The following CACNA1D variants were observed in gnomAD, a reference collection of about 807,000 sequenced individuals.
CACNA1D encodes voltage-dependent L-type calcium channel subunit alpha-1D.
Under a neutral mutation model 257.1 loss-of-function variants are expected in CACNA1D, and 55 were observed. That is an observed-to-expected ratio of 0.21 (90% CI 0.17 to 0.27). The LOEUF is 0.27. Ranked by LOEUF, CACNA1D falls within the 10% of genes least tolerant of loss-of-function variation. CACNA1D has a pLI of 1.00. For synonymous variants in CACNA1D, 980 were observed against 1,014.9 expected, an observed-to-expected ratio of 0.97 and a Z score of 0.65; for missense variants, 1,876 against 2,784.0, an observed-to-expected ratio of 0.67 and a Z score of 7.34.
rs369515732 is a variant in CACNA1D at position 53,583,631 on chromosome 3, C to T, written c.484-67148C>T. ...CAGAACCACGAGGTGGGACTCTCCT[C>T]AGGGGCTGCTTCTTGGTGAATCTGC... is the stretch of plus-strand genomic sequence containing the variant. On this transcript the variant is annotated intron_variant, in intron 3 of 47. Coordinates refer to ENST00000350061, the MANE Select transcript of CACNA1D (RefSeq NM_001128840.3). Among the ~76,000 whole-genome samples the T allele has an allele frequency of 2.0e-4, 31 of 152,308 alleles. No individual in the cohort carries two copies. In the South Asian group the frequency reaches 5.6e-3, roughly 27 times the overall value.
intron 3 of CACNA1D, among the ~76,000 whole-genome samples, chr3:53,546,328 A>T (rs989263983): frequency 1.3e-5 from 2 of 151,894 alleles, no homozygotes; most frequent in African/African-American, 2.4e-5. Flanking sequence ...CAGGAACCCA[A>T]CAGAGCTGCA....
intron 10 of CACNA1D, 85 bp from the exon 11 acceptor site, chr3:53,719,670 T>C (rs2094860475): frequency 7.9e-7 from 1 of 1,273,778 alleles, no homozygotes; most frequent in Admixed American, 1.7e-5. Flanking sequence ...ATGCATGGCT[T>C]TTATGATATC....
At chr3:53,674,109 G>C in intron 8 of CACNA1D, 1 of 514,438 alleles carries the variant, frequency 1.9e-6, no homozygotes, top group Non-Finnish European at 3.5e-6. Context: ...AGGAATTCCA[G>C]CCTTGGTCTC....
intron 3 of CACNA1D, among the ~76,000 whole-genome samples, chr3:53,618,113 T>G (rs1454877486): frequency 6.6e-6 from 1 of 152,092 alleles, no homozygotes; most frequent in African/African-American, 2.4e-5. Context: ...GTTGGACCTG[T>G]AGGGACCCGC....
At chr3:53,709,765 G>A (rs2094730381) in intron 9 of CACNA1D, among the ~76,000 whole-genome samples, 1 of 152,226 alleles carries the variant, frequency 6.6e-6, no homozygotes. Context: ...AGTGATGACA[G>A]TAGTGGTGGT....
chr3:53,776,972 G>C lies in CACNA1D; in HGVS notation c.4587+16G>C, dbSNP rs750908909. On this transcript the variant is annotated intron_variant, in intron 37 of 47. Coordinates refer to ENST00000350061, the MANE Select transcript of CACNA1D (RefSeq NM_001128840.3). ...AGCGTGCAAGGTGAGTGTCCTGTGT[G>C]CGTGTCTGACAGCCTGTCTTGTAGA... 3 of 1,582,058 alleles carry C rather than the reference G, an allele frequency of 1.9e-6. No homozygotes were observed. The East Asian group carries it at 6.7e-5, about 35-fold the overall frequency.
chr3:53,586,882 A>G (rs1376510041), intron 3 of CACNA1D, among the ~76,000 whole-genome samples: 1 of 152,184 alleles, frequency 6.6e-6, no homozygotes, highest in East Asian at 1.9e-4. Flanking sequence ...AAATACAAGG[A>G]CAAATAAGAG....
At chr3:53,519,711 T>C (rs2091478158) in intron 3 of CACNA1D, among the ~76,000 whole-genome samples, 1 of 152,232 alleles carries the variant, frequency 6.6e-6, no homozygotes, top group Non-Finnish European at 1.5e-5. Flanking sequence ...TTTTTTACTA[T>C]ATTCACTGTT....
At chr3:53,805,311 TCATC>T (rs771811945) in intron 45 of CACNA1D, 165 bp downstream of exon 45, 120 of 660,724 alleles carry the variant, frequency 1.8e-4, no homozygotes, top group Non-Finnish European at 1.6e-5. Context: ...CCTTCCTTTC[TCATC>T]CATATCTCAC....
chr3:53,781,707 C>T, intron 39 of CACNA1D, 40 bp downstream of exon 39: 1 of 1,363,390 alleles, frequency 7.3e-7, no homozygotes, highest in Non-Finnish European at 1.1e-6. Flanking sequence ...TTGGCCAGTG[C>T]TTTGGTTTTA....
chr3:53,757,218 G>GT (rs34641708), intron 29 of CACNA1D, among the ~76,000 whole-genome samples: 31,128 of 150,038 alleles, frequency 0.21, 3,992 homozygotes, highest in African/African-American at 0.36. Flanking sequence ...ATTTGACACT[G>GT]TTTTTTTTTC....
intron 9 of CACNA1D, among the ~76,000 whole-genome samples, chr3:53,715,827 C>T (rs2094812846): frequency 6.6e-6 from 1 of 152,184 alleles, no homozygotes; most frequent in Non-Finnish European, 1.5e-5. Flanking sequence ...CTATCTTCCC[C>T]TCTTTGTTGC....
At chr3:53,718,601 C>CCCCCCCCCCAAA in intron 10 of CACNA1D, 1 of 1,103,196 alleles carries the variant, frequency 9.1e-7, no homozygotes, top group Non-Finnish European at 1.3e-6. Flanking sequence ...CCCCCCGGCC[C>CCCCCCCCCCAAA]AGCATTTCAC....
At chr3:53,768,955 T>C (rs543036483) in intron 30 of CACNA1D, among the ~76,000 whole-genome samples, 3 of 152,332 alleles carry the variant, frequency 2.0e-5, no homozygotes, top group South Asian at 2.1e-4. Flanking sequence ...CTCATTTCTC[T>C]CTGTCGGCTC....
At chr3:53,685,963 A>C (rs1299308535) in intron 8 of CACNA1D, among the ~76,000 whole-genome samples, 1 of 152,096 alleles carries the variant, frequency 6.6e-6, no homozygotes, top group Non-Finnish European at 1.5e-5. Context: ...GTTATTTAGA[A>C]AGCGTAATAA....
chr3:53,524,147 G>T (rs1280962490), intron 3 of CACNA1D, among the ~76,000 whole-genome samples: 2 of 152,198 alleles, frequency 1.3e-5, no homozygotes, highest in African/African-American at 4.8e-5. Flanking sequence ...GGGGGAAGGT[G>T]CTCATTTTGC....
intron 21 of CACNA1D, 72 bp downstream of exon 21, chr3:53,740,411 C>T (rs910660012): frequency 9.9e-7 from 1 of 1,013,758 alleles, no homozygotes; most frequent in East Asian, 2.4e-5. Context: ...TCTTTGTTTG[C>T]CTTCCAGATG....
chr3:53,649,866 T>C (rs1032383691), intron 3 of CACNA1D, among the ~76,000 whole-genome samples: 2 of 152,248 alleles, frequency 1.3e-5, no homozygotes, highest in Non-Finnish European at 2.9e-5. Context: ...TCCATGTTTC[T>C]ATTGAAACTG....
intron 4 of CACNA1D, among the ~76,000 whole-genome samples, chr3:53,654,783 C>T (rs1461542662): frequency 6.6e-6 from 1 of 152,006 alleles, no homozygotes; most frequent in Non-Finnish European, 1.5e-5. Context: ...TGTTTACTGA[C>T]ACTTGCCTTA....
Sources: allele counts gnomAD v4.1 joint callset (sites outside exome capture counted in the v4.1 genomes callset), GRCh38; gene constraint gnomAD v4.1.1; transcripts MANE v1.5; gene names NCBI Gene and HGNC (gene_info 2026-07-23, HGNC 2026-07-21).